The following THADA variants were observed in gnomAD, a reference collection of about 807,000 sequenced individuals.
THADA encodes the protein THADA armadillo repeat containing.
A neutral mutation model predicts 219.8 loss-of-function variants in THADA; 213 were observed. The ratio of observed to expected loss-of-function variants is 0.97; its 90% CI spans 0.87 to 1.09. The LOEUF (loss-of-function observed/expected upper bound fraction) is 1.09. THADA is among the 50% of genes least tolerant of loss of function. THADA has a pLI of 0.00. For synonymous variants in THADA, 1,018 were observed against 828.9 expected, an observed-to-expected ratio of 1.23 and a Z score of -3.92; for missense variants, 2,956 against 2,311.3, an observed-to-expected ratio of 1.28 and a Z score of -5.72.
At chr2:43,593,704 G>A (rs117495936) in intron 1 of THADA, among the ~76,000 whole-genome samples, 9 of 148,118 alleles carry the variant, frequency 6.1e-5, no homozygotes, top group East Asian at 2.0e-4. Flanking sequence ...CGCGATCTGC[G>A]CTCACTGCAA....
intron 36 of THADA, among the ~76,000 whole-genome samples, chr2:43,278,345 G>T (rs1015055376): frequency 6.6e-6 from 1 of 152,168 alleles, no homozygotes; most frequent in African/African-American, 2.4e-5. Flanking sequence ...CTACTTTTCA[G>T]TCTAAAGAAA....
In THADA at chr2:43,484,741, T is replaced by A. The variant is rs561096350; in HGVS notation, c.3836+493A>T. Among the ~76,000 whole-genome samples, 6 of 152,220 alleles carry A rather than the reference T, an allele frequency of 3.9e-5. No individual in the cohort carries two copies. In the South Asian group the frequency reaches 1.0e-3, roughly 26 times the overall value. On this transcript the variant is annotated intron_variant, in intron 26 of 37. Coordinates refer to ENST00000405975, the MANE Select transcript of THADA (RefSeq NM_022065.5). ...ACTAAAGACCAAAAGTAAAAAGCAC[T>A]GTTTATTTCTTGTGGTTAACACATA...
intron 36 of THADA, among the ~76,000 whole-genome samples, chr2:43,239,602 A>G (rs1668409187): frequency 6.6e-6 from 1 of 152,266 alleles, no homozygotes; most frequent in South Asian, 2.1e-4. Context: ...CACGGATTAA[A>G]AAGCCCATGG....
At chr2:43,319,566 G>C (rs1425396373) in intron 31 of THADA, among the ~76,000 whole-genome samples, 1 of 152,116 alleles carries the variant, frequency 6.6e-6, no homozygotes, top group East Asian at 1.9e-4. Context: ...TTTGGGAACA[G>C]GGTTCCATAT....
intron 28 of THADA, among the ~76,000 whole-genome samples, chr2:43,413,930 G>A (rs1676628162): frequency 6.6e-6 from 1 of 152,130 alleles, no homozygotes; most frequent in East Asian, 1.9e-4. Context: ...CCCGTGAGAT[G>A]CTCACGTCCC....
At chr2:43,357,927 G>C (rs1394957485) in intron 29 of THADA, among the ~76,000 whole-genome samples, 3 of 151,988 alleles carry the variant, frequency 2.0e-5, no homozygotes, top group African/African-American at 7.3e-5. Context: ...TGAAATTGTA[G>C]ACTCATAGCA....
At chr2:43,336,469 G>A (rs1372761374) in intron 30 of THADA, among the ~76,000 whole-genome samples, 4 of 151,628 alleles carry the variant, frequency 2.6e-5, no homozygotes, top group Admixed American at 6.6e-5. Flanking sequence ...ATGGGGTTTC[G>A]CCATGTTGGC....
intron 16 of THADA, among the ~76,000 whole-genome samples, chr2:43,557,306 T>G (rs1237147344): frequency 6.6e-6 from 1 of 152,246 alleles, no homozygotes; most frequent in Non-Finnish European, 1.5e-5. Flanking sequence ...TACTTTGTCC[T>G]GTAGAATTTT....
At chr2:43,293,289 CT>C in intron 31 of THADA, 76 bp from the exon 32 acceptor site, 1 of 1,492,098 alleles carries the variant, frequency 6.7e-7, no homozygotes, top group South Asian at 1.3e-5. Context: ...AGAATGAAGA[CT>C]GAATCCACTG....
intron 22 of THADA, among the ~76,000 whole-genome samples, chr2:43,515,228 A>ATTTT (rs1418651625): frequency 1.0e-4 from 1 of 9,636 alleles, no homozygotes; most frequent in Non-Finnish European, 1.6e-4. Flanking sequence ...TATTATATAT[A>ATTTT]ATATATAATA....
chr2:43,432,767 T>C (rs1679534305), intron 26 of THADA, among the ~76,000 whole-genome samples: 1 of 152,244 alleles, frequency 6.6e-6, no homozygotes, highest in Admixed American at 6.5e-5. Context: ...TTGCATTTCC[T>C]TGACGACTAA....
chr2:43,336,607 C>A (rs1666470174), intron 30 of THADA, among the ~76,000 whole-genome samples: 1 of 151,924 alleles, frequency 6.6e-6, no homozygotes, highest in South Asian at 2.1e-4. Flanking sequence ...TAAGCCTCCA[C>A]AACAATCAAC....
chr2:43,310,618 C>A (rs950495190), intron 31 of THADA, among the ~76,000 whole-genome samples: 3 of 152,106 alleles, frequency 2.0e-5, no homozygotes, highest in African/African-American at 7.2e-5. Context: ...AACTTATGAA[C>A]TAAAACTGTA....
chr2:43,534,884 C>T (rs142022927), intron 21 of THADA, among the ~76,000 whole-genome samples: 59 of 152,212 alleles, frequency 3.9e-4, no homozygotes, highest in Middle Eastern at 3.4e-3. Context: ...CTGGATCATA[C>T]GGTATTTCTA....
Position 43,378,804 on chromosome 2 carries a change from C to G in THADA, c.4227+19167G>C, listed in dbSNP as rs1030565593. Among the ~76,000 whole-genome samples the G allele has an allele frequency of 5.9e-5, 9 of 152,244 alleles. No individual in the cohort carries two copies. The East Asian group carries it at 1.7e-3, about 29-fold the overall frequency. On this transcript the variant is annotated intron_variant, in intron 29 of 37. Coordinates refer to ENST00000405975, the MANE Select transcript of THADA (RefSeq NM_022065.5). Reference sequence around the variant, plus strand: ...TATTTTTATTAGAGACGGGGTTTCTCTATGTTGGCCAGGCTGGTCTCAAAC... The same window carrying G: ...TATTTTTATTAGAGACGGGGTTTCTGTATGTTGGCCAGGCTGGTCTCAAAC...
intron 29 of THADA, 150 bp from the exon 30 acceptor site, chr2:43,344,387 T>C: frequency 1.7e-6 from 1 of 598,716 alleles, no homozygotes; most frequent in South Asian, 2.1e-5. Flanking sequence ...GAAAGGCATG[T>C]TGGTTTTGGA....
intron 16 of THADA, among the ~76,000 whole-genome samples, chr2:43,557,601 G>C (rs1045000404): frequency 6.6e-6 from 1 of 152,150 alleles, no homozygotes; most frequent in Non-Finnish European, 1.5e-5. Flanking sequence ...TCCTAAAGAA[G>C]ACAGAACAAA....
intron 31 of THADA, among the ~76,000 whole-genome samples, chr2:43,317,140 C>T (rs114794083): frequency 0.01 from 1,530 of 152,266 alleles, 28 homozygotes; most frequent in African/African-American, 0.035. Context: ...ATCTAGGATT[C>T]AAACCCAGAG....
intron 29 of THADA, among the ~76,000 whole-genome samples, chr2:43,387,919 A>T (rs1038940589): frequency 6.6e-6 from 1 of 152,220 alleles, no homozygotes; most frequent in African/African-American, 2.4e-5. Context: ...TTACTTATTT[A>T]AACTTTCCTT....
Sources: allele counts gnomAD v4.1 joint callset (sites outside exome capture counted in the v4.1 genomes callset), GRCh38; gene constraint gnomAD v4.1.1; transcripts MANE v1.5; gene names NCBI Gene and HGNC (gene_info 2026-07-23, HGNC 2026-07-21).